UBN1: variants seen among roughly 807,000 people sequenced by gnomAD.
UBN1 encodes the protein ubinuclein-1.
UBN1 carries 17 observed loss-of-function variants against 108.5 expected under a neutral mutation model. The observed-to-expected ratio is 0.16, with a 90% confidence interval of 0.11 to 0.24. The LOEUF is 0.24. Ranked by LOEUF, UBN1 falls within the 10% of genes least tolerant of loss-of-function variation. The pLI, the probability that UBN1 is intolerant of heterozygous loss-of-function variation, is 1.00. For synonymous variants in UBN1, 726 were observed against 564.2 expected, an observed-to-expected ratio of 1.29 and a Z score of -4.07; for missense variants, 1,595 against 1,394.4, an observed-to-expected ratio of 1.14 and a Z score of -2.29.
chr16:4,878,760 C>G (rs1473857230), intron 17 of UBN1, among the ~76,000 whole-genome samples: 1 of 152,206 alleles, frequency 6.6e-6, no homozygotes, highest in Non-Finnish European at 1.5e-5. Context: ...CCTGTAATCC[C>G]AGCACTTTGG....
chr16:4,868,384 A>G (rs2087439128), intron 7 of UBN1, among the ~76,000 whole-genome samples: 1 of 152,214 alleles, frequency 6.6e-6, no homozygotes, highest in Non-Finnish European at 1.5e-5. Context: ...AATGTCCTTA[A>G]GTGTTAGAGC....
chr16:4,850,700 TATGTG>T (rs1311773363), intron 1 of UBN1, among the ~76,000 whole-genome samples: 1 of 152,226 alleles, frequency 6.6e-6, no homozygotes, highest in Non-Finnish European at 1.5e-5. Context: ...TTTGTTCCCT[TATGTG>T]ATGTTATAAG....
At position 4,858,612 on chromosome 16, in the gene UBN1, T is replaced by C. The variant is rs2086913987; in HGVS notation, c.381T>C (p.Asp127=). ...RRKDRIQDLI[D]MGYGYDESDS... ...AAGACCGAATACAGGACTTGATCGATATGGGGTATGGTTATGATGAATCCG... is the reference window on the plus strand; with the variant it reads ...AAGACCGAATACAGGACTTGATCGACATGGGGTATGGTTATGATGAATCCG... The change falls in exon 4 of 18, where the codon GAT becomes GAC. Residue 127 remains aspartate, a synonymous_variant. Coordinates refer to ENST00000262376, the MANE Select transcript of UBN1 (RefSeq NM_001079514.3). 1.2e-6 allele frequency: 2 copies of C among 1,614,182 alleles called. No individual in the cohort carries two copies. Among genetic ancestry groups the C allele is most frequent in the Admixed American group, 1.7e-5 (1 of 60,030 alleles).
rs772525250 is a variant in UBN1, at chr16:4,874,379, C to T, written c.1969C>T (p.Leu657=). ...CCTTGCTAACCCTCCTCCTGTCAAC[C>T]TGGAGGACTCATTGGATGAAGACTT... ...GGLANPPPVN[L]EDSLDEDLIR... The change falls in exon 15 of 18, where the codon CTG becomes TTG. Residue 657 remains leucine (L), a synonymous_variant. Transcript: ENST00000262376. 1.2e-6 allele frequency: 2 copies of T among 1,614,094 alleles called. No individual in the cohort carries two copies. The highest frequency in any genetic ancestry group is 1.7e-6 in the Non-Finnish European group (2 of 1,180,020).
chr16:4,877,498 C>A lies in UBN1; in HGVS notation c.3355+24C>A. On this transcript the variant is annotated intron_variant, in intron 17 of 17. Coordinates refer to ENST00000262376, the MANE Select transcript of UBN1 (RefSeq NM_001079514.3). The surrounding 1 kb of genome is among the most constrained non-coding windows in gnomAD (Gnocchi z 4.3). ...AGGTAATCACCCGACGGTCAGTGTG[C>A]CACGCGCACCGTGTGCCTTTGCCCT... 1 of 1,594,518 alleles carries A rather than the reference C, an allele frequency of 6.3e-7. No individual in the cohort carries two copies. Among genetic ancestry groups the A allele is most frequent in the Non-Finnish European group, 8.5e-7 (1 of 1,171,496 alleles).
rs2087424727 is a variant in UBN1 at position 4,868,080 on chromosome 16, AG to A, written c.1111-750del. ...TGGCCTGAGTTGCTCCAAGCTGCCC[AG>A]GGAATTCCAATATGCAACCAAGTGT... is the stretch of plus-strand genomic sequence containing the variant. On this transcript the variant is annotated intron_variant, in intron 7 of 17. Coordinates refer to ENST00000262376, the MANE Select transcript of UBN1 (RefSeq NM_001079514.3). Among the ~76,000 whole-genome samples, 4 of 152,134 alleles carry A rather than the reference AG, an allele frequency of 2.6e-5. No individual in the cohort carries two copies. In the South Asian group the frequency reaches 8.3e-4, roughly 32 times the overall value.
At position 4,875,044 on chromosome 16, in the gene UBN1, G is replaced by A. The variant is rs374244534; in HGVS notation, c.2634G>A (p.Ser878=). 4.5e-5 allele frequency: 72 copies of A among 1,613,772 alleles called. No homozygotes were observed. Among genetic ancestry groups the A allele is most frequent in the African/African-American group, 2.0e-4 (15 of 74,930 alleles). Residue 878 remains serine, a synonymous_variant, in exon 15 of 18, where the codon TCG becomes TCA. Transcript: ENST00000262376. ...GCAGCTCTCACAAGACCCCAGCCTC[G>A]TCCTCTTCTGCCCTGAGCCATCCAG... is the stretch of plus-strand genomic sequence containing the variant. ...SSSSSHKTPA[S]SSSALSHPAK... is the part of the protein sequence containing the mutation.
chr16:4,854,576 T>G (rs2086710026), intron 2 of UBN1, among the ~76,000 whole-genome samples: 1 of 147,910 alleles, frequency 6.8e-6, no homozygotes, highest in African/African-American at 2.5e-5. Flanking sequence ...ATGTAGGCCA[T>G]GCTGGTCTCC....
At chr16:4,857,200 T>C (rs1156322814) in intron 2 of UBN1, among the ~76,000 whole-genome samples, 2 of 150,722 alleles carry the variant, frequency 1.3e-5, no homozygotes, top group African/African-American at 4.9e-5. Flanking sequence ...AAAAAAAAAA[T>C]TTAGCTAGGC....
intron 9 of UBN1, 54 bp downstream of exon 9, chr16:4,870,395 A>C (rs372309812): frequency 7.4e-6 from 12 of 1,611,236 alleles, no homozygotes; most frequent in East Asian, 4.5e-5. Flanking sequence ...CGGAGGGGTG[A>C]CTGAGTCTTA....
Position 4,850,525 on chromosome 16 carries a change from C to G in UBN1, c.-40+2315C>G, listed in dbSNP as rs185911158. On this transcript the variant is annotated intron_variant, in intron 1 of 17. Transcript: ENST00000262376. ...TCAGCTGGGATTTATTTCCACAACC[C>G]AGCGCATCACAAATATCCTGAGGGC... is the stretch of plus-strand genomic sequence containing the variant. Among the ~76,000 whole-genome samples, 334 of 152,296 alleles carry G rather than the reference C, an allele frequency of 2.2e-3. 2 individuals carry two copies. Among genetic ancestry groups the G allele is most frequent in the African/African-American group, 7.7e-3 (319 of 41,558 alleles).
intron 17 of UBN1, among the ~76,000 whole-genome samples, chr16:4,878,278 G>T (rs1469282783): frequency 1.3e-5 from 2 of 152,110 alleles, no homozygotes; most frequent in African/African-American, 4.8e-5. Context: ...ACCTAGCATT[G>T]TTCCTACTGT....
At chr16:4,873,455 C>T (rs2087735578) in intron 14 of UBN1, among the ~76,000 whole-genome samples, 1 of 152,178 alleles carries the variant, frequency 6.6e-6, no homozygotes, top group African/African-American at 2.4e-5. Flanking sequence ...GGCGACTTTA[C>T]TGAGCTACCA....
At chr16:4,869,952 C>CTCCTGGGCTCTGTTT (rs1397313429) in intron 8 of UBN1, among the ~76,000 whole-genome samples, 1 of 152,222 alleles carries the variant, frequency 6.6e-6, no homozygotes, top group Non-Finnish European at 1.5e-5. Flanking sequence ...AGAGCTTGTT[C>CTCCTGGGCTCTGTTT]TCCTGGGCTC....
At chr16:4,858,225 C>A in intron 3 of UBN1, 149 bp downstream of exon 3, 1 of 689,254 alleles carries the variant, frequency 1.5e-6, no homozygotes, top group Non-Finnish European at 2.5e-6. Context: ...TTAAACCTAA[C>A]GCATTAAGGT....
At chr16:4,859,733 A>G in intron 5 of UBN1, 132 bp from the exon 6 acceptor site, 1 of 1,440,620 alleles carries the variant, frequency 6.9e-7, no homozygotes, top group Non-Finnish European at 9.2e-7. Flanking sequence ...GACTGATCTG[A>G]GAGCTTTTGT....
In UBN1 at chr16:4,877,797, T is replaced by TAAA. The variant is rs145632052; in HGVS notation, c.3355+323_3355+324insAAA. ...CTCGGCTTGTTTTTTTCTCTTCAGT[T>TAAA]TAAAAAAAAAAAAAAAGGGAAGGTA... is the stretch of plus-strand genomic sequence containing the variant. On this transcript the variant is annotated intron_variant, in intron 17 of 17. Transcript: ENST00000262376. This position sits in a 1 kb window ranked among gnomAD's most constrained non-coding sequence, Gnocchi z 4.3. 1,283 of 1,007,544 alleles carry TAAA rather than the reference T, an allele frequency of 1.3e-3. 9 individuals carry two copies. In the East Asian group the frequency reaches 0.019, roughly 15 times the overall value. The allele number at this position is 1,007,544 out of a possible 1,614,324, so 62.4% of individuals were successfully genotyped here. A position where few individuals can be genotyped will look rare whatever the true frequency, so the allele number is the denominator to read the frequency against.
At chr16:4,852,094 T>A (rs974736807) in intron 1 of UBN1, 3 of 152,210 alleles carry the variant, frequency 2.0e-5, no homozygotes, top group African/African-American at 4.8e-5. Flanking sequence ...GCAATGAATA[T>A]CTTTATTTAT....
rs1034186319 is a variant in UBN1, at chr16:4,871,039, T to C, written c.1559+67T>C. ...GGGCAGTGTCTGAGCACGTCCCCTA[T>C]TGCTGACAAAGGTTAGGCTCATTTA... is the stretch of plus-strand genomic sequence containing the variant. On this transcript the variant is annotated intron_variant, in intron 11 of 17. Coordinates refer to ENST00000262376, the MANE Select transcript of UBN1 (RefSeq NM_001079514.3). 1.7e-5 allele frequency: 28 copies of C among 1,606,238 alleles called. No homozygotes were observed. In the South Asian group the frequency reaches 3.1e-4, roughly 18 times the overall value.
Sources: gnomAD v4.1 joint callset for allele counts (sites outside exome capture counted in the v4.1 genomes callset) on GRCh38, gnomAD v4.1.1 for gene constraint, Gnocchi (gnomAD v3.1) non-coding constraint, MANE v1.5 for transcripts, NCBI Gene and HGNC (gene_info 2026-07-23, HGNC 2026-07-21) for gene names.